The following ANKS1A variants were observed in gnomAD, a reference collection of about 807,000 sequenced individuals.
ANKS1A encodes the protein ankyrin repeat and sterile alpha motif domain containing 1A.
A neutral mutation model predicts 120.3 loss-of-function variants in ANKS1A; 55 were observed. That is an observed-to-expected ratio of 0.46 (90% CI 0.37 to 0.57). The LOEUF (loss-of-function observed/expected upper bound fraction) is 0.57. Among genes scored for constraint, ANKS1A ranks in the 20% least tolerant of loss-of-function variants. The pLI, the probability that ANKS1A is intolerant of heterozygous loss-of-function variation, is 0.00. For missense variants in ANKS1A, 1,123 were observed against 1,480.3 expected, an observed-to-expected ratio of 0.76 and a Z score of 3.96; for synonymous variants, 590 against 604.7, an observed-to-expected ratio of 0.98 and a Z score of 0.36.
downstream of ANKS1A, among the ~76,000 whole-genome samples, chr6:35,092,329 A>C (rs1343707484): frequency 6.6e-6 from 1 of 152,190 alleles, no homozygotes; most frequent in Non-Finnish European, 1.5e-5. Context: ...TCACTTATCT[A>C]GTTCAGTACC....
intron 15 of ANKS1A, 47 bp from the exon 16 acceptor site, chr6:35,079,774 G>C: frequency 6.2e-7 from 1 of 1,605,086 alleles, no homozygotes; most frequent in Non-Finnish European, 8.5e-7. Context: ...CGGACTGTGA[G>C]TGAGTTGGCC....
At chr6:35,078,525 G>T in intron 13 of ANKS1A, 33 bp from the exon 14 acceptor site, 1 of 1,599,656 alleles carries the variant, frequency 6.3e-7, no homozygotes, top group South Asian at 1.1e-5. Flanking sequence ...ATCCATCCAG[G>T]AGGGGCCCTG....
chr6:35,063,204 A>T (rs907230161), intron 13 of ANKS1A, among the ~76,000 whole-genome samples: 1 of 152,236 alleles, frequency 6.6e-6, no homozygotes, highest in Non-Finnish European at 1.5e-5. Context: ...TGGCTCACAC[A>T]TCTGCCAGCC....
At chr6:34,998,354 A>AG (rs11408233) in intron 10 of ANKS1A, among the ~76,000 whole-genome samples, 146,236 of 152,088 alleles carry the variant, frequency 0.96, 70,515 homozygotes, top group East Asian at 1. Flanking sequence ...ACAATGTGTG[A>AG]GGGTGGTGAG....
intron 1 of ANKS1A, among the ~76,000 whole-genome samples, chr6:34,962,224 G>T (rs1770674721): frequency 1.3e-5 from 2 of 152,194 alleles, no homozygotes; most frequent in African/African-American, 4.8e-5. Context: ...TGCTATAGAA[G>T]TTCAGGCTTA....
chr6:35,093,170 C>A (rs1354217884), downstream of ANKS1A, among the ~76,000 whole-genome samples: 1 of 152,070 alleles, frequency 6.6e-6, no homozygotes, highest in African/African-American at 2.4e-5. Flanking sequence ...TTTGAGACCG[C>A]TTTTTTCAGG....
At chr6:34,941,822 A>G (rs1460107618) in intron 1 of ANKS1A, among the ~76,000 whole-genome samples, 3 of 152,188 alleles carry the variant, frequency 2.0e-5, no homozygotes, top group Non-Finnish European at 4.4e-5. Flanking sequence ...GACCTGGGCT[A>G]GGAAACCTGA....
Position 34,950,222 on chromosome 6 carries a change from CTTTTTTTTT to C in ANKS1A, c.198-17003_198-16995del, listed in dbSNP as rs747865614. Among the ~76,000 whole-genome samples the C allele has an allele frequency of 2.8e-4, 27 of 97,538 alleles. 1 individual carries two copies. Among genetic ancestry groups the C allele is most frequent in the East Asian group, 1.7e-3 (5 of 2,976 alleles). 64.0% of individuals were successfully genotyped at this position (97,538 alleles called of 152,430 possible). On this transcript the variant is annotated intron_variant, in intron 1 of 23. Transcript: ENST00000360359. ...TAAGGAAGAGGTTTTTCTTTTCTCT[CTTTTTTTTT>C]TTTTTTTTTTTTTGGGACGGAGTCT...
chr6:34,919,496 G>A (rs1768329584), intron 1 of ANKS1A, among the ~76,000 whole-genome samples: 1 of 152,202 alleles, frequency 6.6e-6, no homozygotes. Context: ...GCCCTACTCT[G>A]TCTTGCATCT....
chr6:34,946,307 G>A (rs1343792152), intron 1 of ANKS1A, among the ~76,000 whole-genome samples: 3 of 151,764 alleles, frequency 2.0e-5, no homozygotes, highest in Non-Finnish European at 4.4e-5. Flanking sequence ...AAATTTTGGG[G>A]CTGGGCACAG....
intron 1 of ANKS1A, among the ~76,000 whole-genome samples, chr6:34,894,652 C>A (rs1766983115): frequency 6.6e-6 from 1 of 152,054 alleles, no homozygotes. Flanking sequence ...ACCACGTCCT[C>A]ACACCACCAC....
At chr6:34,939,970 G>C (rs145711039) in intron 1 of ANKS1A, among the ~76,000 whole-genome samples, 1 of 152,194 alleles carries the variant, frequency 6.6e-6, no homozygotes, top group Non-Finnish European at 1.5e-5. Context: ...TGGGGGAAGC[G>C]CTATAGTGTG....
chr6:35,035,130 G>A (rs1775102507), intron 11 of ANKS1A, among the ~76,000 whole-genome samples: 3 of 152,214 alleles, frequency 2.0e-5, no homozygotes, highest in South Asian at 4.1e-4. Context: ...TGGCCGGACC[G>A]TGCACTTTAC....
At chr6:34,910,319 C>T (rs1487242194) in intron 1 of ANKS1A, among the ~76,000 whole-genome samples, 2 of 152,172 alleles carry the variant, frequency 1.3e-5, no homozygotes, top group African/African-American at 4.8e-5. Context: ...AATCCCAGCA[C>T]TTTGAGAGGC....
chr6:35,025,735 G>A (rs1023356439), intron 11 of ANKS1A, among the ~76,000 whole-genome samples: 2 of 151,548 alleles, frequency 1.3e-5, no homozygotes, highest in South Asian at 2.1e-4. Flanking sequence ...TTAAGGATAG[G>A]CTTCTCTTCT....
intron 1 of ANKS1A, among the ~76,000 whole-genome samples, chr6:34,920,961 G>A (rs1315743234): frequency 1.3e-5 from 2 of 152,162 alleles, no homozygotes; most frequent in Non-Finnish European, 2.9e-5. Context: ...TCTTTCTGCT[G>A]GGGAGGTACT....
At chr6:34,969,719 C>G (rs1368377185) in intron 2 of ANKS1A, among the ~76,000 whole-genome samples, 2 of 152,142 alleles carry the variant, frequency 1.3e-5, no homozygotes, top group Non-Finnish European at 2.9e-5. Context: ...CAGGTTTGGA[C>G]AAAGAGTCCA....
rs554285243 is a variant in ANKS1A at position 34,996,292 on chromosome 6, CTTA to C, written c.1423+1876_1423+1878del. 1.6e-4 allele frequency among the ~76,000 whole-genome samples: 25 copies of C among 152,072 alleles called. No individual in the cohort carries two copies. In the East Asian group the frequency reaches 4.6e-3, roughly 28 times the overall value. On this transcript the variant is annotated intron_variant, in intron 10 of 23. Transcript: ENST00000360359. ...TCATTGAAAAAAATTAGATTGTTTT[CTTA>C]TTATTGAGTTGTGAATTCTTTATAT...
intron 11 of ANKS1A, among the ~76,000 whole-genome samples, chr6:35,042,382 A>T (rs569318619): frequency 6.6e-6 from 1 of 152,274 alleles, no homozygotes. Flanking sequence ...AGAAAGATGT[A>T]TGTCCTAAAC....
Sources: gnomAD v4.1 joint callset for allele counts (sites outside exome capture counted in the v4.1 genomes callset) on GRCh38, gnomAD v4.1.1 for gene constraint, MANE v1.5 for transcripts, NCBI Gene and HGNC (gene_info 2026-07-23, HGNC 2026-07-21) for gene names.